The following SLC15A5 variants were observed in gnomAD, a reference collection of about 807,000 sequenced individuals.
SLC15A5 encodes solute carrier family 15 member 5.
A neutral mutation model predicts 56.1 loss-of-function variants in SLC15A5; 58 were observed. The observed-to-expected ratio is 1.03, with a 90% confidence interval of 0.84 to 1.29. SLC15A5 has a LOEUF of 1.29. Among genes scored for constraint, SLC15A5 ranks in the 50% most tolerant of loss-of-function variants. The pLI is 0.00. For missense variants in SLC15A5, 681 were observed against 672.1 expected (o/e 1.01, Z -0.15); for synonymous variants, 264 against 250.5 (o/e 1.05, Z -0.51).
chr12:16,258,990 C>CTTTTTTTTTTTTTTTTTTTTTT (rs35905307), intron 2 of SLC15A5, among the ~76,000 whole-genome samples: 1 of 118,474 alleles, frequency 8.4e-6, no homozygotes, highest in Non-Finnish European at 1.7e-5. Flanking sequence ...TCTTCTTTTT[C>CTTTTTTTTTTTTTTTTTTTTTT]TTTTTTTTTT....
intron 7 of SLC15A5, among the ~76,000 whole-genome samples, chr12:16,203,776 C>A (rs1459895333): frequency 6.6e-6 from 1 of 151,952 alleles, no homozygotes; most frequent in African/African-American, 2.4e-5. Flanking sequence ...ATTACATGTA[C>A]CTGAAGATTA....
At chr12:16,213,702 T>C (rs1864104602) in intron 7 of SLC15A5, among the ~76,000 whole-genome samples, 1 of 152,208 alleles carries the variant, frequency 6.6e-6, no homozygotes. Context: ...AGAATACACT[T>C]AAAATAAGAT....
intron 2 of SLC15A5, among the ~76,000 whole-genome samples, chr12:16,258,666 C>T (rs544282701): frequency 6.6e-6 from 1 of 151,816 alleles, no homozygotes; most frequent in Non-Finnish European, 1.5e-5. Context: ...AGTACACTTA[C>T]ACTATCATTA....
rs1863873777 is a variant in SLC15A5, at chr12:16,194,358, T to C, written c.1579A>G (p.Ser527Gly). ...ACACTTACTTACCTTTGTGAAACAC[T>C]GCAGAATCCCAGGACGTTCAACAAT... Reference protein sequence around the residue: ...LTLLNVLGFCSVSQRYCNLNH... With the variant: ...LTLLNVLGFCGVSQRYCNLNH... The change falls in exon 8 of 9, where the codon AGT becomes GGT. Residue 527 changes from serine (S) to glycine (G), a missense_variant. Ser to Gly is a moderately conservative substitution (Grantham distance 56). Transcript: ENST00000344941. The C allele has an allele frequency of 6.5e-7, 1 of 1,532,306 alleles. No individual in the cohort carries two copies. The highest frequency in any genetic ancestry group is 1.2e-5 in the South Asian group (1 of 83,608). The allele number at this position is 1,532,306 out of a possible 1,614,324, so 94.9% of individuals were successfully genotyped here.
At chr12:16,194,720 G>C (rs1413802694) in intron 7 of SLC15A5, among the ~76,000 whole-genome samples, 1 of 151,998 alleles carries the variant, frequency 6.6e-6, no homozygotes, top group Admixed American at 6.6e-5. Flanking sequence ...GGGTTGTAAA[G>C]GTAATCCTGA....
Position 16,271,129 on chromosome 12 carries a change from C to T in SLC15A5, c.584+1432G>A, listed in dbSNP as rs1214515042. Among the ~76,000 whole-genome samples the T allele has an allele frequency of 6.6e-6, 1 of 152,132 alleles. No homozygotes were observed. Among genetic ancestry groups the T allele is most frequent in the Non-Finnish European group, 1.5e-5 (1 of 68,030 alleles). Reference sequence around the variant, plus strand: ...TTCATTTTCACCCCATTCCCCATCCCCCTTCCTGAAGCCCTAAAGCACACA... The same window carrying T: ...TTCATTTTCACCCCATTCCCCATCCTCCTTCCTGAAGCCCTAAAGCACACA... On this transcript the variant is annotated intron_variant, in intron 2 of 8. Coordinates refer to ENST00000344941, the MANE Select transcript of SLC15A5 (RefSeq NM_001170798.1). The surrounding 1 kb of genome is among the most constrained non-coding windows in gnomAD (Gnocchi z 8.0).
intron 8 of SLC15A5, among the ~76,000 whole-genome samples, chr12:16,192,275 C>G (rs143457584): frequency 6.6e-6 from 1 of 152,080 alleles, no homozygotes; most frequent in Admixed American, 6.6e-5. Flanking sequence ...TTCTTCCTCT[C>G]TCTCTATCTT....
chr12:16,214,933 G>A (rs1470684296), intron 7 of SLC15A5, among the ~76,000 whole-genome samples: 8 of 151,928 alleles, frequency 5.3e-5, no homozygotes, highest in African/African-American at 9.6e-5. Context: ...GGCTGGGTGC[G>A]GTGGCTCACG....
rs1249836127 is a variant in SLC15A5, at chr12:16,256,853, C to T, written c.754+848G>A. On this transcript the variant is annotated intron_variant, in intron 3 of 8. Transcript: ENST00000344941. ...CAGCCTGGACGACAGAGAGAGGCTC[C>T]GTCTCAAAAAAAAAAAATAATAATA... Among the ~76,000 whole-genome samples the T allele has an allele frequency of 1.2e-4, 11 of 94,690 alleles. No homozygotes were observed. In the East Asian group the frequency reaches 2.4e-3, roughly 20 times the overall value. 62.1% of individuals were successfully genotyped at this position (94,690 alleles called of 152,430 possible).
At chr12:16,193,824 A>C (rs955336814) in intron 8 of SLC15A5, among the ~76,000 whole-genome samples, 2 of 91,242 alleles carry the variant, frequency 2.2e-5, no homozygotes, top group Non-Finnish European at 4.8e-5. Flanking sequence ...AGAGAGAGAG[A>C]GAGAGAGAGA....
At chr12:16,203,577 G>A (rs1863984041) in intron 7 of SLC15A5, among the ~76,000 whole-genome samples, 1 of 152,060 alleles carries the variant, frequency 6.6e-6, no homozygotes, top group African/African-American at 2.4e-5. Flanking sequence ...GTTTTTGTAT[G>A]ATAAGGAATA....
In SLC15A5 at chr12:16,237,730, T is replaced by A. The variant is rs1169470281; in HGVS notation, c.1162+1951A>T. 1.4e-4 allele frequency among the ~76,000 whole-genome samples: 21 copies of A among 152,164 alleles called. No homozygotes were observed. Among genetic ancestry groups the A allele is most frequent in the Admixed American group, 1.3e-3 (20 of 15,282 alleles). On this transcript the variant is annotated intron_variant, in intron 5 of 8. Coordinates refer to ENST00000344941, the MANE Select transcript of SLC15A5 (RefSeq NM_001170798.1). The surrounding 1 kb of genome is among the most constrained non-coding windows in gnomAD (Gnocchi z 4.1). ...TATTTTTCTAGGGTACCCAAAATTT[T>A]AAAATTTGTGGTAATTAAGCATGAT... is the stretch of plus-strand genomic sequence containing the variant.
intron 6 of SLC15A5, among the ~76,000 whole-genome samples, chr12:16,218,843 G>A (rs1054447017): frequency 1.3e-5 from 2 of 151,928 alleles, no homozygotes; most frequent in African/African-American, 4.8e-5. Context: ...TTTACCCCTG[G>A]TTTTTTGTTT....
intron 5 of SLC15A5, among the ~76,000 whole-genome samples, chr12:16,234,128 T>C (rs760714703): frequency 3.9e-5 from 6 of 152,292 alleles, no homozygotes; most frequent in African/African-American, 7.2e-5. Flanking sequence ...TGCTTTCTGC[T>C]TCCAAGATGG....
chr12:16,272,457 C>G, intron 2 of SLC15A5, 104 bp downstream of exon 2: 4 of 1,047,444 alleles, frequency 3.8e-6, no homozygotes, highest in Non-Finnish European at 5.6e-6. Context: ...ATCACTTAGC[C>G]CAATTCATCA....
intron 6 of SLC15A5, among the ~76,000 whole-genome samples, chr12:16,219,230 T>C (rs1864162693): frequency 6.6e-6 from 1 of 152,122 alleles, no homozygotes; most frequent in Non-Finnish European, 1.5e-5. Context: ...ATAGGTAAAA[T>C]ACTGTGGAGA....
intron 6 of SLC15A5, among the ~76,000 whole-genome samples, chr12:16,218,502 C>T (rs1015215110): frequency 6.6e-6 from 1 of 152,104 alleles, no homozygotes; most frequent in Admixed American, 6.6e-5. Context: ...CGTATACAAA[C>T]CTATATGGTC....
intron 1 of SLC15A5, among the ~76,000 whole-genome samples, chr12:16,275,946 C>A (rs1270650137): frequency 6.6e-6 from 1 of 151,990 alleles, no homozygotes. Context: ...ACCATCCATT[C>A]CATCCTGTCC....
At chr12:16,223,184 G>T (rs1356531746) in intron 6 of SLC15A5, among the ~76,000 whole-genome samples, 1 of 152,078 alleles carries the variant, frequency 6.6e-6, no homozygotes, top group Non-Finnish European at 1.5e-5. Context: ...CAACTTTTAA[G>T]ATAATAGAAT....
Sources: gnomAD v4.1 joint callset for allele counts (sites outside exome capture counted in the v4.1 genomes callset) on GRCh38, gnomAD v4.1.1 for gene constraint, Gnocchi (gnomAD v3.1) non-coding constraint, MANE v1.5 for transcripts, NCBI Gene and HGNC (gene_info 2026-07-23, HGNC 2026-07-21) for gene names.